Variants in PRKAR1A observed in about 807,000 individuals in gnomAD.
PRKAR1A encodes the protein cAMP-dependent protein kinase type I-alpha regulatory subunit.
PRKAR1A carries 3 observed loss-of-function variants against 52.0 expected under a neutral mutation model. The observed-to-expected ratio is 0.06, with a 90% CI of 0.03 to 0.15. The LOEUF is 0.15. Ranked by LOEUF, PRKAR1A falls within the 10% of genes least tolerant of loss-of-function variation. The probability of loss-of-function intolerance (pLI) is 1.00; values close to 1 mark genes in which losing one functional copy is unlikely to be tolerated. For missense variants in PRKAR1A, 240 were observed against 477.4 expected (o/e 0.50, Z 4.63); for synonymous variants, 188 against 168.4 (o/e 1.12, Z -0.90).
chr17:68,426,162 G>A, the PRKAR1A span: 56 of 1,580,646 alleles, frequency 3.5e-5, no homozygotes, highest in Middle Eastern at 4.5e-4. Context: ...GCGCCCCGCC[G>A]TCCTCAGAAT....
At position 68,541,788 on chromosome 17, in the gene PRKAR1A, AG is replaced by A. The variant is rs2086308692; in HGVS notation, c.974-9294del. 4 of 606,586 alleles carry A rather than the reference AG, an allele frequency of 6.6e-6. No homozygotes were observed. The South Asian group carries it at 9.0e-5, about 14-fold the overall frequency. 37.6% of individuals were successfully genotyped at this position (606,586 alleles called of 1,614,324 possible). ...TAACACCTAGTGTTGGGTATATGGA[AG>A]GTTCTTTAGAACTGAATAAATGAAC... On this transcript the variant is annotated intron_variant, in intron 11 of 11. Transcript: ENST00000585981.
chr17:68,503,310 T>A, the PRKAR1A span, among the ~76,000 whole-genome samples: 1 of 151,326 alleles, frequency 6.6e-6, no homozygotes, highest in Admixed American at 6.6e-5. Context: ...AGTTTGGCAA[T>A]TTTTTTTTAC....
At chr17:68,460,488 C>T in the PRKAR1A span, among the ~76,000 whole-genome samples, 30 of 152,262 alleles carry the variant, frequency 2.0e-4, no homozygotes, top group East Asian at 5.2e-3. Context: ...GCTATGGCCA[C>T]GGGAGAAAAA....
At chr17:68,457,144 G>A in the PRKAR1A span, among the ~76,000 whole-genome samples, 2 of 152,092 alleles carry the variant, frequency 1.3e-5, no homozygotes, top group African/African-American at 4.8e-5. Flanking sequence ...GACACTGGGA[G>A]TGGGGTGGGG....
the PRKAR1A span, among the ~76,000 whole-genome samples, chr17:68,449,428 C>T: frequency 3.3e-5 from 5 of 152,202 alleles, no homozygotes; most frequent in South Asian, 4.1e-4. Context: ...AGTTTGAGAC[C>T]AGACTGGGCA....
the PRKAR1A span, among the ~76,000 whole-genome samples, chr17:68,506,718 G>A: frequency 0.027 from 4,128 of 152,104 alleles, 166 homozygotes; most frequent in African/African-American, 0.094. Context: ...TCCTGACCTC[G>A]TGATCTGCCC....
At chr17:68,426,588 A>C in the PRKAR1A span, among the ~76,000 whole-genome samples, 1 of 152,170 alleles carries the variant, frequency 6.6e-6, no homozygotes, top group Non-Finnish European at 1.5e-5. Flanking sequence ...GCTGGAGTGC[A>C]GTGGTATGAT....
chr17:68,541,101 C>T (rs571534327), intron 11 of PRKAR1A: 232 of 1,312,108 alleles, frequency 1.8e-4, no homozygotes, highest in South Asian at 1.4e-3. Context: ...TTCAGAAAGG[C>T]CCTGGGCAAG....
the PRKAR1A span, chr17:68,424,505 C>A: frequency 1.9e-6 from 1 of 534,508 alleles, no homozygotes; most frequent in South Asian, 1.4e-5. Flanking sequence ...CATAACAAAG[C>A]CTAATGGACA....
chr17:68,434,567 T>C, the PRKAR1A span: 1 of 1,613,936 alleles, frequency 6.2e-7, no homozygotes, highest in East Asian at 2.2e-5. Context: ...TTTTCATCCC[T>C]CTCCGGAACT....
At chr17:68,501,161 G>A in the PRKAR1A span, among the ~76,000 whole-genome samples, 1 of 152,140 alleles carries the variant, frequency 6.6e-6, no homozygotes, top group Non-Finnish European at 1.5e-5. Context: ...GCTGTGAATT[G>A]CCCTGACTCT....
chr17:68,464,548 G>C, the PRKAR1A span, among the ~76,000 whole-genome samples: 2 of 152,140 alleles, frequency 1.3e-5, no homozygotes, highest in African/African-American at 4.8e-5. Flanking sequence ...GGGTGTGGTG[G>C]CACGTGCCTG....
At chr17:68,473,100 T>A in the PRKAR1A span, among the ~76,000 whole-genome samples, 1 of 152,238 alleles carries the variant, frequency 6.6e-6, no homozygotes, top group Non-Finnish European at 1.5e-5. Flanking sequence ...TATCAGCCTC[T>A]CTTGGCAAAT....
the PRKAR1A span, among the ~76,000 whole-genome samples, chr17:68,453,597 G>A: frequency 1.3e-5 from 2 of 151,036 alleles, no homozygotes; most frequent in Non-Finnish European, 2.9e-5. Context: ...TCCTGCCTCA[G>A]CCTCCCGAGC....
chr17:68,543,677 A>G lies in PRKAR1A; in HGVS notation c.974-7407A>G, dbSNP rs113611824. ...CTCAGCATTGTGTCTCTGAAAGTCA[A>G]TGAAGTAGAAGAAGTCCACTGGTGT... is the stretch of plus-strand genomic sequence containing the variant. On this transcript the variant is annotated intron_variant, in intron 11 of 11. Transcript: ENST00000585981. 8.1e-5 allele frequency: 130 copies of G among 1,614,162 alleles called. 1 individual carries two copies. The East Asian group carries it at 1.1e-3, about 13-fold the overall frequency.
At chr17:68,522,367 C>G (rs971732525) in intron 2 of PRKAR1A, among the ~76,000 whole-genome samples, 8 of 152,150 alleles carry the variant, frequency 5.3e-5, no homozygotes, top group Non-Finnish European at 1.0e-4. Flanking sequence ...GGGTCTCTTG[C>G]TATCTGCAGT....
upstream of PRKAR1A, among the ~76,000 whole-genome samples, chr17:68,511,391 GA>G (rs941779546): frequency 3.8e-4 from 56 of 149,240 alleles, 1 homozygote; most frequent in African/African-American, 1.1e-3. Flanking sequence ...TACTCTGATG[GA>G]AAAAAAAAAT....
At chr17:68,417,732 A>ATTTTTTT in the PRKAR1A span, among the ~76,000 whole-genome samples, 1 of 63,188 alleles carries the variant, frequency 1.6e-5, no homozygotes, top group African/African-American at 5.2e-5. Flanking sequence ...AGAGTTGCTG[A>ATTTTTTT]ATTTTTTTTT....
At chr17:68,423,703 T>C in the PRKAR1A span, among the ~76,000 whole-genome samples, 2 of 152,186 alleles carry the variant, frequency 1.3e-5, no homozygotes, top group Admixed American at 6.5e-5. This position sits in a 1 kb window ranked among gnomAD's most constrained non-coding sequence, Gnocchi z 4.4. Context: ...ACAAACTTTC[T>C]TACTGGTTCT....
Sources: gnomAD v4.1 joint callset for allele counts (sites outside exome capture counted in the v4.1 genomes callset) on GRCh38, gnomAD v4.1.1 for gene constraint, Gnocchi (gnomAD v3.1) non-coding constraint, MANE v1.5 for transcripts, NCBI Gene and HGNC (gene_info 2026-07-23, HGNC 2026-07-21) for gene names.